CXCL13: variants seen among roughly 807,000 people sequenced by gnomAD.
CXCL13 encodes C-X-C motif chemokine 13.
A neutral mutation model predicts 12.2 loss-of-function variants in CXCL13; 7 were observed. The ratio of observed to expected loss-of-function variants is 0.57; its 90% CI spans 0.33 to 1.07. The LOEUF (loss-of-function observed/expected upper bound fraction) is 1.07. Among genes scored for constraint, CXCL13 ranks in the 50% least tolerant of loss-of-function variants. The pLI is 0.04. For synonymous variants in CXCL13, 47 were observed against 42.4 expected (o/e 1.11, Z -0.42); for missense variants, 113 against 127.4 (o/e 0.89, Z 0.55).
At chr4:77,607,654 G>A (rs770248198) in intron 1 of CXCL13, 49 bp from the exon 2 acceptor site, 10 of 1,546,622 alleles carry the variant, frequency 6.5e-6, no homozygotes, top group Non-Finnish European at 8.8e-6. Context: ...TTCTAGTTAT[G>A]AATTACATGC....
intron 1 of CXCL13, among the ~76,000 whole-genome samples, chr4:77,531,079 G>A (rs1320923962): frequency 6.7e-6 from 1 of 148,150 alleles, no homozygotes. Context: ...ATGTATTTGA[G>A]TGTTTTTGAG....
chr4:77,594,892 AC>A (rs1007660084), intron 1 of CXCL13, among the ~76,000 whole-genome samples: 10 of 152,246 alleles, frequency 6.6e-5, no homozygotes, highest in African/African-American at 2.4e-4. Flanking sequence ...CACGTCCTGC[AC>A]ATGTATCCCA....
At chr4:77,579,133 G>A (rs1429360306) in intron 1 of CXCL13, among the ~76,000 whole-genome samples, 1 of 152,262 alleles carries the variant, frequency 6.6e-6, no homozygotes, top group Non-Finnish European at 1.5e-5. Flanking sequence ...GAGAAGAGCT[G>A]CCATCAGCTG....
chr4:77,527,452 T>G (rs1419656013), intron 1 of CXCL13, among the ~76,000 whole-genome samples: 3 of 151,996 alleles, frequency 2.0e-5, no homozygotes, highest in Admixed American at 1.3e-4. Context: ...GGCAACATGG[T>G]GAAACCCCAT....
intron 1 of CXCL13, among the ~76,000 whole-genome samples, chr4:77,539,862 G>T (rs1406741396): frequency 6.6e-6 from 1 of 152,064 alleles, no homozygotes; most frequent in Non-Finnish European, 1.5e-5. Context: ...GTGTGGTGGG[G>T]GTAGGGGGGG....
chr4:77,523,586 C>G (rs181840725), intron 1 of CXCL13, among the ~76,000 whole-genome samples: 54 of 152,302 alleles, frequency 3.5e-4, no homozygotes, highest in African/African-American at 1.3e-3. Context: ...CTTCTCTACA[C>G]TGTTTATTCT....
At chr4:77,580,323 T>TC (rs1375118427) in intron 1 of CXCL13, among the ~76,000 whole-genome samples, 78 of 96,358 alleles carry the variant, frequency 8.1e-4, no homozygotes, top group Non-Finnish European at 1.3e-3. Flanking sequence ...TTTTTTTTTT[T>TC]TTTTTTTTTT....
rs576763945 is a variant in CXCL13 at position 77,533,414 on chromosome 4, C to T, written c.-43+21626C>T. 1.4e-4 allele frequency among the ~76,000 whole-genome samples: 22 copies of T among 152,220 alleles called. No homozygotes were observed. In the East Asian group the frequency reaches 4.3e-3, roughly 29 times the overall value. The stretch of plus-strand genomic sequence containing the variant: ...CTGGAAGTTTTGTCTCAGAGGAGTA[C>T]CCGGCCATGTGAGGTGTCAGTCTGC... On this transcript the variant is annotated intron_variant, in intron 1 of 4. Transcript: ENST00000286758.
rs1383481855 is a variant in CXCL13 at position 77,611,304 on chromosome 4, A to G, written c.*265A>G. On this transcript the variant is annotated 3_prime_UTR_variant, in exon 4 of 4. Coordinates refer to ENST00000682537, the MANE Select transcript of CXCL13 (RefSeq NM_001371558.1). The stretch of plus-strand genomic sequence containing the variant: ...ATAGTTATTCAGTTATAAGTAATAC[A>G]GGATTATTTTGATTATATACTTGTT... 5.2e-6 allele frequency: 2 copies of G among 386,244 alleles called. No individual in the cohort carries two copies. Among genetic ancestry groups the G allele is most frequent in the Middle Eastern group, 6.6e-4 (1 of 1,520 alleles). 23.9% of individuals were successfully genotyped at this position (386,244 alleles called of 1,614,324 possible).
intron 1 of CXCL13, among the ~76,000 whole-genome samples, chr4:77,589,411 C>G (rs1362794119): frequency 6.6e-6 from 1 of 152,102 alleles, no homozygotes; most frequent in Non-Finnish European, 1.5e-5. Flanking sequence ...GTTCAAGTCA[C>G]CCTTACTTTA....
chr4:77,514,803 TA>T (rs997476456), intron 1 of CXCL13, among the ~76,000 whole-genome samples: 1 of 152,102 alleles, frequency 6.6e-6, no homozygotes, highest in African/African-American at 2.4e-5. Context: ...AGAAGCTCTT[TA>T]GTTTAATTAG....
In CXCL13 at chr4:77,605,947, C is replaced by A; in HGVS notation, c.64+18C>A. 8 of 1,557,156 alleles carry A rather than the reference C, an allele frequency of 5.1e-6. No homozygotes were observed. Among genetic ancestry groups the A allele is most frequent in the Non-Finnish European group, 7.1e-6 (8 of 1,133,914 alleles). ...AGTCCAAGGTGAGAAATTTCATTTA[C>A]ATTTCACTGTTTGTTGAACAGAAAT... On this transcript the variant is annotated intron_variant, in intron 1 of 3. Coordinates refer to ENST00000682537, the MANE Select transcript of CXCL13 (RefSeq NM_001371558.1).
At chr4:77,545,757 T>G (rs1193793405) in intron 1 of CXCL13, among the ~76,000 whole-genome samples, 1 of 152,216 alleles carries the variant, frequency 6.6e-6, no homozygotes, top group African/African-American at 2.4e-5. Context: ...CCTGCCTGAT[T>G]GCCCTGGCCA....
intron 1 of CXCL13, among the ~76,000 whole-genome samples, chr4:77,596,446 C>T (rs997926091): frequency 4.6e-5 from 7 of 152,144 alleles, no homozygotes; most frequent in African/African-American, 7.2e-5. Context: ...AACTATCATA[C>T]GCTCCAGCAA....
intron 1 of CXCL13, among the ~76,000 whole-genome samples, chr4:77,586,822 G>A (rs1726477123): frequency 6.6e-6 from 1 of 152,184 alleles, no homozygotes; most frequent in African/African-American, 2.4e-5. Context: ...AAATTTTATA[G>A]CAAAGGTTAA....
At chr4:77,549,461 A>G (rs959587385) in intron 1 of CXCL13, among the ~76,000 whole-genome samples, 7 of 152,148 alleles carry the variant, frequency 4.6e-5, no homozygotes, top group African/African-American at 1.7e-4. Flanking sequence ...GTTTCTCCCC[A>G]TCTTTGTGGT....
At chr4:77,539,085 A>G (rs1307992959) in intron 1 of CXCL13, among the ~76,000 whole-genome samples, 1 of 150,908 alleles carries the variant, frequency 6.6e-6, no homozygotes, top group East Asian at 1.9e-4. Context: ...TTCCTTTTGA[A>G]ATGGAGTCTA....
intron 1 of CXCL13, among the ~76,000 whole-genome samples, chr4:77,568,985 T>G (rs1726003122): frequency 6.6e-6 from 1 of 152,182 alleles, no homozygotes; most frequent in African/African-American, 2.4e-5. Context: ...AACTTCTATA[T>G]CTAGCAGAGA....
intron 1 of CXCL13, among the ~76,000 whole-genome samples, chr4:77,551,508 G>C (rs1725521030): frequency 6.6e-6 from 1 of 152,114 alleles, no homozygotes; most frequent in Non-Finnish European, 1.5e-5. Context: ...CTTTGTACAT[G>C]ATCTGAGCTT....
Sources: allele counts gnomAD v4.1 joint callset (sites outside exome capture counted in the v4.1 genomes callset), GRCh38; gene constraint gnomAD v4.1.1; transcripts MANE v1.5; gene names NCBI Gene and HGNC (gene_info 2026-07-23, HGNC 2026-07-21).